The following KATNIP variants were observed in gnomAD, a reference collection of about 807,000 sequenced individuals.
KATNIP encodes katanin interacting protein.
KATNIP carries 126 observed loss-of-function variants against 174.0 expected under a neutral mutation model. The observed-to-expected ratio is 0.72, with a 90% CI of 0.63 to 0.84. The LOEUF (loss-of-function observed/expected upper bound fraction) is 0.84, where lower values mean the gene tolerates loss of function less well. Among genes scored for constraint, KATNIP ranks in the 40% least tolerant of loss-of-function variants. The pLI is 0.00. For missense variants in KATNIP, 1,958 were observed against 2,109.7 expected, an observed-to-expected ratio of 0.93 and a Z score of 1.41; for synonymous variants, 810 against 835.7, an observed-to-expected ratio of 0.97 and a Z score of 0.53.
chr16:27,724,580 C>T (rs968349332), intron 14 of KATNIP, among the ~76,000 whole-genome samples: 3 of 152,096 alleles, frequency 2.0e-5, no homozygotes, highest in Admixed American at 1.3e-4. Flanking sequence ...ATTTGAGAGC[C>T]GAGGTCTTTC....
At chr16:27,635,721 C>A (rs1027622967) in intron 5 of KATNIP, among the ~76,000 whole-genome samples, 2 of 152,054 alleles carry the variant, frequency 1.3e-5, no homozygotes, top group African/African-American at 4.8e-5. Context: ...ACATGGATGG[C>A]GGGCCTGGCG....
intron 14 of KATNIP, among the ~76,000 whole-genome samples, chr16:27,732,664 G>C (rs1330577846): frequency 6.6e-6 from 1 of 152,162 alleles, no homozygotes; most frequent in Non-Finnish European, 1.5e-5. Flanking sequence ...CCTTGAGCCA[G>C]GTCCTAAAGT....
chr16:27,614,924 A>G (rs1333037459), intron 2 of KATNIP, among the ~76,000 whole-genome samples: 1 of 152,224 alleles, frequency 6.6e-6, no homozygotes, highest in Non-Finnish European at 1.5e-5. Flanking sequence ...TGGGCTGCAC[A>G]TCAGGCTCTT....
chr16:27,707,731 T>G (rs2079379127), intron 12 of KATNIP, among the ~76,000 whole-genome samples: 1 of 152,222 alleles, frequency 6.6e-6, no homozygotes, highest in South Asian at 2.1e-4. Context: ...ATCAAGGTGT[T>G]GGCAGGTTTG....
At chr16:27,602,408 C>T (rs1263935511) in intron 2 of KATNIP, among the ~76,000 whole-genome samples, 1 of 152,208 alleles carries the variant, frequency 6.6e-6, no homozygotes. Context: ...CTTGTTCAGT[C>T]TGTTCCAGCC....
chr16:27,609,866 A>G (rs1159624270), intron 2 of KATNIP, among the ~76,000 whole-genome samples: 4 of 151,826 alleles, frequency 2.6e-5, no homozygotes, highest in Non-Finnish European at 4.4e-5. Flanking sequence ...TAATTTTTGT[A>G]TTTTTAGTAG....
chr16:27,678,125 A>G, intron 7 of KATNIP, 129 bp downstream of exon 7: 1 of 1,042,106 alleles, frequency 9.6e-7, no homozygotes, highest in South Asian at 1.6e-5. Flanking sequence ...GAGGTATATC[A>G]GTCAGGTCTC....
chr16:27,588,972 C>T (rs559293072), intron 2 of KATNIP, among the ~76,000 whole-genome samples: 10 of 151,024 alleles, frequency 6.6e-5, no homozygotes, highest in African/African-American at 2.2e-4. Context: ...CTGCAACCTC[C>T]GCCTTCCAGA....
chr16:27,551,609 G>A (rs778260693), intron 1 of KATNIP, among the ~76,000 whole-genome samples: 6 of 152,138 alleles, frequency 3.9e-5, no homozygotes, highest in African/African-American at 9.7e-5. Flanking sequence ...AAATTGGGCC[G>A]GGCATGGACT....
chr16:27,557,142 A>ATTTTTT (rs369925365), intron 1 of KATNIP, among the ~76,000 whole-genome samples: 1 of 137,940 alleles, frequency 7.2e-6, no homozygotes, highest in Non-Finnish European at 1.6e-5. Flanking sequence ...TGTGAAGTTG[A>ATTTTTT]TTTTTTTTTT....
At chr16:27,682,251 A>G (rs947996564) in intron 8 of KATNIP, among the ~76,000 whole-genome samples, 1 of 152,248 alleles carries the variant, frequency 6.6e-6, no homozygotes, top group African/African-American at 2.4e-5. Context: ...TTCACTACTT[A>G]GGATGACCCA....
chr16:27,641,908 C>T (rs539669787), intron 5 of KATNIP, among the ~76,000 whole-genome samples: 20 of 152,312 alleles, frequency 1.3e-4, no homozygotes, highest in African/African-American at 4.3e-4. Context: ...AGGCCCTGGC[C>T]GGTGCTGGTG....
At chr16:27,684,807 C>T (rs1250704905) in intron 8 of KATNIP, among the ~76,000 whole-genome samples, 1 of 152,196 alleles carries the variant, frequency 6.6e-6, no homozygotes, top group African/African-American at 2.4e-5. Flanking sequence ...TCTCTGTGTC[C>T]AAATGTGCCA....
chr16:27,578,865 A>T lies in KATNIP; in HGVS notation c.63+4909A>T, dbSNP rs1347345775. The stretch of plus-strand genomic sequence containing the variant: ...AGTGCTGGGATTACAGGCGTGAGTC[A>T]CTGTGCCTGGCCAGGTTACAGTCAT... On this transcript the variant is annotated intron_variant, in intron 2 of 27. Transcript: ENST00000261588. 4.0e-5 allele frequency among the ~76,000 whole-genome samples: 6 copies of T among 151,878 alleles called. No homozygotes were observed. The South Asian group carries it at 1.0e-3, about 26-fold the overall frequency.
chr16:27,596,849 C>A (rs906153000), intron 2 of KATNIP, among the ~76,000 whole-genome samples: 7 of 152,132 alleles, frequency 4.6e-5, no homozygotes, highest in African/African-American at 1.7e-4. Flanking sequence ...ATGGTGAAAA[C>A]CTGTCTCTAC....
chr16:27,658,287 G>A (rs2077363255), intron 6 of KATNIP, among the ~76,000 whole-genome samples: 1 of 152,148 alleles, frequency 6.6e-6, no homozygotes, highest in African/African-American at 2.4e-5. Flanking sequence ...GAATCGCTTA[G>A]GATATTTGTT....
chr16:27,752,928 G>C (rs1367959785), intron 17 of KATNIP, among the ~76,000 whole-genome samples: 1 of 152,210 alleles, frequency 6.6e-6, no homozygotes, highest in Admixed American at 6.5e-5. Flanking sequence ...AAAAAGAGGA[G>C]ATGGTTAAAC....
rs58465279 is a variant in KATNIP, at chr16:27,713,802, G to A, written c.1605+4882G>A. On this transcript the variant is annotated intron_variant, in intron 13 of 27. Transcript: ENST00000261588. ...ACATATTATATATGTGTGTGTGTGT[G>A]TATATACATATATATATATATATAT... 6.0e-3 allele frequency among the ~76,000 whole-genome samples: 279 copies of A among 46,282 alleles called. 17 individuals are homozygous for A. Among genetic ancestry groups the A allele is most frequent in the African/African-American group, 0.011 (106 of 10,020 alleles). 30.4% of individuals were successfully genotyped at this position (46,282 alleles called of 152,430 possible).
intron 10 of KATNIP, 43 bp from the exon 11 acceptor site, chr16:27,701,546 G>A: frequency 1.4e-6 from 2 of 1,457,910 alleles, no homozygotes; most frequent in Non-Finnish European, 1.9e-6. Context: ...TAGGCCAGGA[G>A]TGTTGCCTGA....
Sources: gnomAD v4.1 joint callset for allele counts (sites outside exome capture counted in the v4.1 genomes callset) on GRCh38, gnomAD v4.1.1 for gene constraint, MANE v1.5 for transcripts, NCBI Gene and HGNC (gene_info 2026-07-23, HGNC 2026-07-21) for gene names.